Variants in KCNQ5 observed in about 807,000 individuals in gnomAD.
The protein encoded by KCNQ5 is potassium voltage-gated channel subfamily KQT member 5.
In KCNQ5, 30 loss-of-function variants were observed where a neutral mutation model predicts 98.2. The observed-to-expected ratio is 0.31, with a 90% CI of 0.23 to 0.41. The LOEUF is 0.41. KCNQ5 is among the 10% of genes least tolerant of loss of function. The probability of loss-of-function intolerance (pLI) is 1.00; values close to 1 mark genes in which losing one functional copy is unlikely to be tolerated. For missense variants in KCNQ5, 835 were observed against 1,182.5 expected, an observed-to-expected ratio of 0.71 and a Z score of 4.31; for synonymous variants, 458 against 449.4, an observed-to-expected ratio of 1.02 and a Z score of -0.24.
intron 1 of KCNQ5, among the ~76,000 whole-genome samples, chr6:72,652,618 G>C (rs1289340626): frequency 2.0e-5 from 3 of 151,936 alleles, no homozygotes; most frequent in Admixed American, 2.0e-4. Flanking sequence ...GACTTTTTCT[G>C]ATCCATATCA....
At chr6:72,777,406 G>T (rs1307726202) in intron 1 of KCNQ5, among the ~76,000 whole-genome samples, 2 of 152,152 alleles carry the variant, frequency 1.3e-5, no homozygotes, top group Admixed American at 6.5e-5. Context: ...AGTTGGATGG[G>T]GGTGGGGTAA....
In KCNQ5 at chr6:72,680,366, C is replaced by A. The variant is rs190629382; in HGVS notation, c.398+57779C>A. ...TGTAGCATGTATGAATATTTCATTT[C>A]TTTTTACTGCTAAATAATATTCAGT... On this transcript the variant is annotated intron_variant, in intron 1 of 13. Transcript: ENST00000370398. Among the ~76,000 whole-genome samples the A allele has an allele frequency of 9.2e-5, 14 of 152,218 alleles. No individual in the cohort carries two copies. In the East Asian group the frequency reaches 2.5e-3, roughly 27 times the overall value.
intron 1 of KCNQ5, among the ~76,000 whole-genome samples, chr6:72,665,341 C>A (rs199833939): frequency 0.014 from 1,515 of 112,148 alleles, no homozygotes; most frequent in African/African-American, 0.019. Context: ...AATACCCTGT[C>A]AAAAAAAAAA....
chr6:73,008,091 A>G (rs1769895566), intron 2 of KCNQ5, among the ~76,000 whole-genome samples: 1 of 152,180 alleles, frequency 6.6e-6, no homozygotes, highest in Non-Finnish European at 1.5e-5. Context: ...CCACAAAGAA[A>G]ATAGCTATAG....
At chr6:72,691,558 A>G (rs1325020268) in intron 1 of KCNQ5, among the ~76,000 whole-genome samples, 1 of 152,230 alleles carries the variant, frequency 6.6e-6, no homozygotes, top group African/African-American at 2.4e-5. Flanking sequence ...TGAGCTAAAT[A>G]AAGAGCTAAA....
intron 3 of KCNQ5, among the ~76,000 whole-genome samples, chr6:73,060,793 TA>T (rs1253352582): frequency 6.6e-6 from 1 of 152,036 alleles, no homozygotes; most frequent in Non-Finnish European, 1.5e-5. Flanking sequence ...GTCTCACTCA[TA>T]AAAAAGAAAT....
chr6:72,696,809 A>C (rs1768531128), intron 1 of KCNQ5, among the ~76,000 whole-genome samples: 1 of 152,170 alleles, frequency 6.6e-6, no homozygotes, highest in African/African-American at 2.4e-5. Flanking sequence ...TATGAAATTT[A>C]TTTTTTCAAA....
intron 10 of KCNQ5, among the ~76,000 whole-genome samples, chr6:73,158,401 G>A (rs1392748470): frequency 6.6e-6 from 1 of 151,846 alleles, no homozygotes; most frequent in East Asian, 1.9e-4. Context: ...CGAGTAGCTG[G>A]GACTACAGGC....
At chr6:73,119,738 T>C (rs548895280) in intron 7 of KCNQ5, among the ~76,000 whole-genome samples, 1 of 152,330 alleles carries the variant, frequency 6.6e-6, no homozygotes, top group East Asian at 1.9e-4. Flanking sequence ...CCTTTGCTTC[T>C]CCCTTATCAA....
At chr6:72,866,084 T>A (rs1777966098) in intron 1 of KCNQ5, among the ~76,000 whole-genome samples, 1 of 152,098 alleles carries the variant, frequency 6.6e-6, no homozygotes, top group Non-Finnish European at 1.5e-5. Context: ...ATACTAAGAC[T>A]TAAGTAAAAG....
intron 1 of KCNQ5, among the ~76,000 whole-genome samples, chr6:72,929,589 C>T (rs1765598982): frequency 6.6e-6 from 1 of 151,968 alleles, no homozygotes; most frequent in South Asian, 2.1e-4. Context: ...ACATAAAGTA[C>T]ATAAAGTACA....
chr6:72,655,131 A>C (rs2154472604), intron 1 of KCNQ5, among the ~76,000 whole-genome samples: 1 of 149,378 alleles, frequency 6.7e-6, no homozygotes, highest in East Asian at 2.0e-4. Context: ...AAGAAAAAAC[A>C]AGCCTTGGAT....
At chr6:72,776,599 G>A (rs1773172447) in intron 1 of KCNQ5, among the ~76,000 whole-genome samples, 1 of 152,188 alleles carries the variant, frequency 6.6e-6, no homozygotes, top group Admixed American at 6.5e-5. Context: ...TAAGAGATTA[G>A]TTCAGCTCCT....
At chr6:72,860,197 C>T (rs558912238) in intron 1 of KCNQ5, among the ~76,000 whole-genome samples, 2 of 152,294 alleles carry the variant, frequency 1.3e-5, no homozygotes, top group Middle Eastern at 6.8e-3. Flanking sequence ...AGCACGATGA[C>T]ACTTCTCCAG....
In KCNQ5 at chr6:73,169,964, C is replaced by T. The variant is rs1777946222; in HGVS notation, c.1577+110C>T. On this transcript the variant is annotated intron_variant, in intron 11 of 13. Coordinates refer to ENST00000370398, the MANE Select transcript of KCNQ5 (RefSeq NM_019842.4). ...GTAAATATCCTGGAATAACCACTTT[C>T]CCTTTCCTATTCATCCATATGCCTA... is the stretch of plus-strand genomic sequence containing the variant. 9.6e-6 allele frequency: 7 copies of T among 727,588 alleles called. No homozygotes were observed. The Admixed American group carries it at 1.3e-4, about 13-fold the overall frequency. 45.1% of individuals were successfully genotyped at this position (727,588 alleles called of 1,614,324 possible). A position where few individuals can be genotyped will look rare whatever the true frequency, so the allele number is the denominator to read the frequency against.
intron 1 of KCNQ5, among the ~76,000 whole-genome samples, chr6:72,736,446 T>A (rs1434141020): frequency 6.6e-6 from 1 of 151,094 alleles, no homozygotes. Context: ...TAATATAAAA[T>A]GAGAAAGTGT....
chr6:72,692,241 A>T (rs867665221), intron 1 of KCNQ5, among the ~76,000 whole-genome samples: 18 of 152,326 alleles, frequency 1.2e-4, no homozygotes, highest in African/African-American at 3.6e-4. Context: ...AAATCAAGTA[A>T]TTACAGATGA....
chr6:72,934,754 T>C (rs775838242), intron 1 of KCNQ5, among the ~76,000 whole-genome samples: 9 of 152,320 alleles, frequency 5.9e-5, no homozygotes, highest in South Asian at 2.1e-4. Context: ...TGGGCTCTCA[T>C]AGCTCAGCTA....
intron 5 of KCNQ5, among the ~76,000 whole-genome samples, chr6:73,088,646 A>G (rs1279070854): frequency 2.6e-5 from 4 of 152,142 alleles, no homozygotes; most frequent in African/African-American, 9.7e-5. Flanking sequence ...CTCAGGACTC[A>G]AGCTCTCATT....
Sources: gnomAD v4.1 joint callset for allele counts (sites outside exome capture counted in the v4.1 genomes callset) on GRCh38, gnomAD v4.1.1 for gene constraint, MANE v1.5 for transcripts, NCBI Gene and HGNC (gene_info 2026-07-23, HGNC 2026-07-21) for gene names.